COG6: variants seen among roughly 807,000 people sequenced by gnomAD.
The protein encoded by COG6 is conserved oligomeric Golgi complex subunit 6.
A neutral mutation model predicts 88.8 loss-of-function variants in COG6; 74 were observed. The observed-to-expected ratio is 0.83, with a 90% CI of 0.69 to 1.01. COG6 has a LOEUF of 1.01. Ranked by LOEUF, COG6 falls within the 50% of genes least tolerant of loss-of-function variation. COG6 has a pLI of 0.00. For missense variants in COG6, 800 were observed against 797.9 expected, an observed-to-expected ratio of 1.00 and a Z score of -0.03; for synonymous variants, 286 against 278.7, an observed-to-expected ratio of 1.03 and a Z score of -0.26.
chr13:39,709,583 T>C (rs1191218667), intron 13 of COG6, among the ~76,000 whole-genome samples: 1 of 152,166 alleles, frequency 6.6e-6, no homozygotes, highest in Non-Finnish European at 1.5e-5. Context: ...GGCCTGAAGT[T>C]CCACTCATGT....
At chr13:39,767,657 A>G (rs1056424008) in intron 18 of COG6, among the ~76,000 whole-genome samples, 3 of 152,152 alleles carry the variant, frequency 2.0e-5, no homozygotes, top group Non-Finnish European at 4.4e-5. Flanking sequence ...GGAGCAGAAG[A>G]TGTTACTTTT....
chr13:39,756,421 A>G (rs958293295), downstream of COG6, among the ~76,000 whole-genome samples: 3 of 152,186 alleles, frequency 2.0e-5, no homozygotes, highest in African/African-American at 7.2e-5. Flanking sequence ...ATACACAAAC[A>G]ATAGGAGTCT....
At chr13:39,773,722 T>C (rs1171477556) in intron 18 of COG6, among the ~76,000 whole-genome samples, 1 of 152,230 alleles carries the variant, frequency 6.6e-6, no homozygotes, top group Non-Finnish European at 1.5e-5. Context: ...ACTTAAGTTC[T>C]ATCCACCTCA....
At chr13:39,697,936 A>T (rs1877366301) in intron 12 of COG6, among the ~76,000 whole-genome samples, 1 of 151,952 alleles carries the variant, frequency 6.6e-6, no homozygotes, top group South Asian at 2.1e-4. Context: ...GTTGTGGTGG[A>T]GGAGGAGAAC....
intron 4 of COG6, among the ~76,000 whole-genome samples, chr13:39,672,043 GTTACT>G: frequency 6.6e-6 from 1 of 151,962 alleles, no homozygotes; most frequent in South Asian, 2.1e-4. Flanking sequence ...TGTCTACATG[GTTACT>G]TTAACATTTT....
At chr13:39,687,859 T>C (rs1876756425) in intron 10 of COG6, 60 bp downstream of exon 10, 1 of 1,190,544 alleles carries the variant, frequency 8.4e-7, no homozygotes, top group Non-Finnish European at 1.2e-6. Flanking sequence ...AGCATCTCTG[T>C]TTCTGTTCTT....
At chr13:39,756,167 A>T (rs958532471), downstream of COG6, among the ~76,000 whole-genome samples, 1 of 152,212 alleles carries the variant, frequency 6.6e-6, no homozygotes, top group African/African-American at 2.4e-5. Flanking sequence ...TTTTTAATAC[A>T]TTTATAATTT....
rs1181509577 is a variant in COG6, at chr13:39,771,905, T to C, written c.1827-16430T>C. Among the ~76,000 whole-genome samples the C allele has an allele frequency of 2.0e-5, 3 of 152,358 alleles. No individual in the cohort carries two copies. In the East Asian group the frequency reaches 5.8e-4, roughly 29 times the overall value. ...CTGGGGGGAAAAGCACTGAACAAGA[T>C]ACATACCTTCCAAGGGTGCAAGGTA... On this transcript the variant is annotated intron_variant, in intron 18 of 18. Transcript: ENST00000416691.
At chr13:39,733,351 C>T (rs549341471) in intron 18 of COG6, among the ~76,000 whole-genome samples, 93 of 151,700 alleles carry the variant, frequency 6.1e-4, no homozygotes, top group African/African-American at 2.1e-3. Flanking sequence ...CCAATGTGCC[C>T]GGCTAATTTT....
chr13:39,682,331 A>G, intron 8 of COG6, 67 bp downstream of exon 8: 1 of 886,902 alleles, frequency 1.1e-6, no homozygotes, highest in Non-Finnish European at 1.9e-6. Flanking sequence ...TTTAAATTTT[A>G]GTATTATCAA....
intron 13 of COG6, 95 bp downstream of exon 13, chr13:39,699,713 C>CA: frequency 1.4e-6 from 1 of 716,496 alleles, no homozygotes; most frequent in Non-Finnish European, 2.5e-6. Context: ...TTTCCCATTA[C>CA]ATTCTGTGTT....
intron 18 of COG6, among the ~76,000 whole-genome samples, chr13:39,744,701 A>G (rs1486504540): frequency 6.6e-6 from 1 of 152,208 alleles, no homozygotes; most frequent in African/African-American, 2.4e-5. Context: ...TGGAGATTCA[A>G]TGCCATCCCC....
intron 1 of COG6, among the ~76,000 whole-genome samples, chr13:39,658,555 T>G (rs1874681646): frequency 6.6e-6 from 1 of 152,220 alleles, no homozygotes; most frequent in Non-Finnish European, 1.5e-5. Flanking sequence ...TTGTACCCCT[T>G]TACCATTCAT....
rs201555421 is a variant in COG6, at chr13:39,787,496, TAG to T, written c.1827-836_1827-835del. On this transcript the variant is annotated intron_variant, in intron 18 of 18. Transcript: ENST00000416691. The stretch of plus-strand genomic sequence containing the variant: ...GATTAACTAATCTTGCCTGGCTGCA[TAG>T]AGTTACTAAGAGGCATAGTGAGGCT... 1.1e-3 allele frequency among the ~76,000 whole-genome samples: 160 copies of T among 152,304 alleles called. 3 individuals are homozygous for T. In the East Asian group the frequency reaches 0.027, roughly 26 times the overall value.
At chr13:39,737,553 A>G (rs1327450711) in intron 18 of COG6, among the ~76,000 whole-genome samples, 1 of 149,450 alleles carries the variant, frequency 6.7e-6, no homozygotes, top group Non-Finnish European at 1.5e-5. Flanking sequence ...AGTCCTTCCC[A>G]TGCTTCTGTC....
At chr13:39,656,676 A>T (rs1460785461) in intron 1 of COG6, 1 of 359,356 alleles carries the variant, frequency 2.8e-6, no homozygotes, top group East Asian at 7.3e-5. Context: ...GCTGTCGATA[A>T]CAATTTGATT....
Position 39,719,802 on chromosome 13 carries a change from G to A in COG6, c.1559G>A (p.Arg520Lys). 3 of 1,612,200 alleles carry A rather than the reference G, an allele frequency of 1.9e-6. No individual in the cohort carries two copies. Among genetic ancestry groups the A allele is most frequent in the Admixed American group, 3.3e-5 (2 of 59,860 alleles). The change falls in exon 15 of 19, where the codon AGA becomes AAA. Residue 520 changes from arginine to lysine, a missense_variant. Transcript: ENST00000455146. ...TTLALFEFTDRRLEMLQFQIE... is the reference protein window; with the variant it reads ...TTLALFEFTDKRLEMLQFQIE... ...TTAGCTCTATTTGAATTCACTGACA[G>A]ACGTCTGGAAATGCTACAGTTTCAG...
chr13:39,761,448 G>A (rs1593479178), intron 18 of COG6, among the ~76,000 whole-genome samples: 1 of 152,006 alleles, frequency 6.6e-6, no homozygotes, highest in South Asian at 2.1e-4. Flanking sequence ...AAACATATGG[G>A]AAACACTTCA....
intron 1 of COG6, among the ~76,000 whole-genome samples, chr13:39,656,603 AAAG>A (rs1264510985): frequency 1.3e-5 from 2 of 152,106 alleles, no homozygotes; most frequent in African/African-American, 2.4e-5. Flanking sequence ...AGTGTAACAT[AAAG>A]AAGAACATAT....
Sources: allele counts gnomAD v4.1 joint callset (sites outside exome capture counted in the v4.1 genomes callset), GRCh38; gene constraint gnomAD v4.1.1; transcripts MANE v1.5; gene names NCBI Gene and HGNC (gene_info 2026-07-23, HGNC 2026-07-21).